Variants in SLC16A2 observed in about 807,000 individuals in gnomAD.
SLC16A2 encodes the protein solute carrier family 16 member 2, also known as monocarboxylate transporter 8.
A neutral mutation model predicts 27.2 loss-of-function variants in SLC16A2; 3 were observed. The ratio of observed to expected loss-of-function variants is 0.11; its 90% CI spans 0.05 to 0.28. SLC16A2 has a LOEUF of 0.28. SLC16A2 is among the 10% of genes least tolerant of loss of function. The pLI is 1.00. For synonymous variants in SLC16A2, 202 were observed against 187.8 expected (o/e 1.08, Z -0.62); for missense variants, 295 against 458.5 (o/e 0.64, Z 3.26).
At chrX:74,516,133 C>T (rs1225727310) in intron 1 of SLC16A2, among the ~76,000 whole-genome samples, 1 of 111,119 alleles carries the variant, frequency 9.0e-6, no homozygotes, top group Non-Finnish European at 1.9e-5. Flanking sequence ...TCATGGCTCA[C>T]TGCAGCAGCC....
rs1044585643 is a variant in SLC16A2, at chrX:74,442,820, G to C, written c.430+20753G>C. 2.7e-5 allele frequency among the ~76,000 whole-genome samples: 3 copies of C among 111,643 alleles called. No individual in the cohort carries two copies. The South Asian group carries it at 1.2e-3, about 43-fold the overall frequency. ...AAATACAAAAAAATTAGCCAGGCCT[G>C]GTGGCACACGCATGTAGTCCCAGCT... On this transcript the variant is annotated intron_variant, in intron 1 of 5. Coordinates refer to ENST00000587091, the MANE Select transcript of SLC16A2 (RefSeq NM_006517.5).
intron 1 of SLC16A2, among the ~76,000 whole-genome samples, chrX:74,471,948 C>T (rs1417115431): frequency 8.9e-6 from 1 of 112,326 alleles, no homozygotes; most frequent in Non-Finnish European, 1.9e-5. Flanking sequence ...TAATGTCTTC[C>T]AGGTTCACCT....
chrX:74,503,755 G>A (rs190093032), intron 1 of SLC16A2, among the ~76,000 whole-genome samples: 55 of 111,875 alleles, frequency 4.9e-4, no homozygotes, highest in African/African-American at 1.5e-3. Flanking sequence ...GCAAAATAGG[G>A]TACATATAGC....
chrX:74,529,230 C>T lies in SLC16A2; in HGVS notation c.1188C>T (p.Leu396=), dbSNP rs1930529588. The change falls in exon 5 of 6, where the codon CTC becomes CTT. Residue 396 remains leucine, a synonymous_variant. Coordinates refer to ENST00000587091, the MANE Select transcript of SLC16A2 (RefSeq NM_006517.5). ...KIYLQVLSFL[L]LGLMSMMIPL... is the part of the protein sequence containing the mutation. ...TTCTCCAGGTCCTTTCCTTCCTGCT[C>T]CTGGGCCTGATGTCCATGATGATTC... is the stretch of plus-strand genomic sequence containing the variant. The T allele has an allele frequency of 8.3e-7, 1 of 1,211,517 alleles. No individual in the cohort carries two copies.
At chrX:74,431,012 G>C (rs773232132) in intron 1 of SLC16A2, among the ~76,000 whole-genome samples, 10 of 112,797 alleles carry the variant, frequency 8.9e-5, no homozygotes, top group Non-Finnish European at 1.7e-4. Flanking sequence ...AAAGTGCTGG[G>C]ATTACAGGCG....
intron 1 of SLC16A2, among the ~76,000 whole-genome samples, chrX:74,484,523 G>A (rs1370515043): frequency 8.1e-5 from 9 of 111,314 alleles, no homozygotes; most frequent in Non-Finnish European, 1.7e-4. Context: ...TTTCTTATCG[G>A]ACTTGAAGTC....
At chrX:74,495,582 A>G (rs1929918216) in intron 1 of SLC16A2, among the ~76,000 whole-genome samples, 1 of 108,026 alleles carries the variant, frequency 9.3e-6, no homozygotes, top group African/African-American at 3.3e-5. Flanking sequence ...CAGCTCTGTG[A>G]CCCTGGGCAG....
intron 1 of SLC16A2, among the ~76,000 whole-genome samples, chrX:74,495,630 C>T (rs1309462682): frequency 9.3e-6 from 1 of 107,949 alleles, no homozygotes; most frequent in African/African-American, 3.3e-5. Context: ...CTTATCTATA[C>T]AATGAAGGGG....
At chrX:74,439,270 T>C (rs1217555109) in intron 1 of SLC16A2, among the ~76,000 whole-genome samples, 1 of 97,302 alleles carries the variant, frequency 1.0e-5, no homozygotes, top group Non-Finnish European at 2.0e-5. Context: ...TCTCTCTCCC[T>C]TCCTTCCTCC....
chrX:74,427,702 T>C (rs1425294707), intron 1 of SLC16A2, among the ~76,000 whole-genome samples: 1 of 111,292 alleles, frequency 9.0e-6, no homozygotes. Context: ...ATTTCCTGTC[T>C]TGAAAGGTGT....
At position 74,532,050 on chromosome X, in the gene SLC16A2, T is replaced by G; in HGVS notation, c.*497T>G. 6.4e-6 allele frequency: 1 copy of G among 156,403 alleles called. No individual in the cohort carries two copies. Among genetic ancestry groups the G allele is most frequent in the Non-Finnish European group, 1.2e-5 (1 of 80,054 alleles). 12.9% of individuals were successfully genotyped at this position (156,403 alleles called of 1,213,427 possible). On this transcript the variant is annotated 3_prime_UTR_variant, in exon 6 of 6. Transcript: ENST00000587091. The stretch of plus-strand genomic sequence containing the variant: ...CAAGTAGCCTTGGTTAGTCTTAGAG[T>G]TGCTGATGACTGTGGCTTCCCAAGA...
rs1034107624 is a variant in SLC16A2, at chrX:74,482,525, A to G, written c.431-38465A>G. ...ATCTTCTTCAATTTGCACAATATGTATTGATCTATCTTCAAGTTTGCTAAC... is the reference window on the plus strand; with the variant it reads ...ATCTTCTTCAATTTGCACAATATGTGTTGATCTATCTTCAAGTTTGCTAAC... On this transcript the variant is annotated intron_variant, in intron 1 of 5. Coordinates refer to ENST00000587091, the MANE Select transcript of SLC16A2 (RefSeq NM_006517.5). 6.3e-5 allele frequency among the ~76,000 whole-genome samples: 7 copies of G among 111,697 alleles called. No homozygotes were observed. The South Asian group carries it at 1.5e-3, about 24-fold the overall frequency.
intron 1 of SLC16A2, among the ~76,000 whole-genome samples, chrX:74,437,489 C>G (rs1391486177): frequency 8.9e-6 from 1 of 112,129 alleles, no homozygotes; most frequent in Non-Finnish European, 1.9e-5. Context: ...TGGCCAGGTT[C>G]TAACCATCCA....
chrX:74,500,231 G>T (rs771670586), intron 1 of SLC16A2, among the ~76,000 whole-genome samples: 37 of 110,849 alleles, frequency 3.3e-4, no homozygotes, highest in African/African-American at 1.1e-3. Flanking sequence ...AGGAAACACG[G>T]GTATGGTGAC....
rs768986875 is a variant in SLC16A2, at chrX:74,503,271, G to T, written c.431-17719G>T. Among the ~76,000 whole-genome samples, 6 of 111,029 alleles carry T rather than the reference G, an allele frequency of 5.4e-5. No individual in the cohort carries two copies. In the East Asian group the frequency reaches 1.1e-3, roughly 21 times the overall value. ...CCCAATTAAAAGGAGATGGGGAGTA[G>T]ACTAGGTTTCTTTTTTCTGATTTTC... is the stretch of plus-strand genomic sequence containing the variant. On this transcript the variant is annotated intron_variant, in intron 1 of 5. Transcript: ENST00000587091.
chrX:74,519,715 C>CAAAAA (rs779967639), intron 1 of SLC16A2, among the ~76,000 whole-genome samples: 4 of 24,987 alleles, frequency 1.6e-4, no homozygotes, highest in African/African-American at 3.7e-4. Context: ...GACTGTGTCT[C>CAAAAA]AAAAAAAAAA....
intron 1 of SLC16A2, among the ~76,000 whole-genome samples, chrX:74,519,684 C>T (rs1930373852): frequency 1.1e-5 from 1 of 87,472 alleles, no homozygotes; most frequent in African/African-American, 4.1e-5. Flanking sequence ...CCATTGCATT[C>T]CAGCCTGGGT....
intron 1 of SLC16A2, among the ~76,000 whole-genome samples, chrX:74,440,695 G>A (rs1477517273): frequency 9.1e-6 from 1 of 110,094 alleles, no homozygotes; most frequent in Non-Finnish European, 1.9e-5. Flanking sequence ...AAGTATGTAT[G>A]TGTGTGAGTG....
intron 1 of SLC16A2, among the ~76,000 whole-genome samples, chrX:74,491,590 T>C (rs1275507576): frequency 2.7e-5 from 3 of 112,072 alleles, no homozygotes; most frequent in African/African-American, 9.7e-5. Flanking sequence ...CTTCCCATCA[T>C]GGCCTGAAAC....
Sources: gnomAD v4.1 joint callset for allele counts (sites outside exome capture counted in the v4.1 genomes callset) on GRCh38, gnomAD v4.1.1 for gene constraint, MANE v1.5 for transcripts, NCBI Gene and HGNC (gene_info 2026-07-23, HGNC 2026-07-21) for gene names.